Variants in RAD51B observed in about 807,000 individuals in gnomAD.
RAD51B encodes the protein RAD51 paralog B, also known as DNA repair protein RAD51 homolog 2.
RAD51B carries 38 observed loss-of-function variants against 42.2 expected under a neutral mutation model. The ratio of observed to expected loss-of-function variants is 0.90; its 90% CI spans 0.70 to 1.18. RAD51B has a LOEUF of 1.18. Ranked by LOEUF, RAD51B falls within the 50% of genes most tolerant of loss-of-function variation. The pLI is 0.00. For synonymous variants in RAD51B, 154 were observed against 145.2 expected (o/e 1.06, Z -0.43); for missense variants, 373 against 400.7 (o/e 0.93, Z 0.59).
chr14:68,274,997 G>C (rs1011449326), intron 7 of RAD51B, among the ~76,000 whole-genome samples: 1 of 152,198 alleles, frequency 6.6e-6, no homozygotes, highest in Non-Finnish European at 1.5e-5. Context: ...TGGTGATTAA[G>C]TTGATCAGTG....
intron 7 of RAD51B, among the ~76,000 whole-genome samples, chr14:67,990,147 G>A (rs1174149725): frequency 1.3e-5 from 2 of 151,836 alleles, no homozygotes; most frequent in Non-Finnish European, 2.9e-5. Context: ...ACAGGTGCAC[G>A]CCACCATGAC....
At position 67,835,156 on chromosome 14, in the gene RAD51B, A is replaced by G. The variant is rs2041191002; in HGVS notation, c.275A>G (p.Glu92Gly). The G allele has an allele frequency of 6.2e-7, 1 of 1,613,966 alleles. No homozygotes were observed. Among genetic ancestry groups the G allele is most frequent in the African/African-American group, 1.3e-5 (1 of 74,918 alleles). Residue 92 changes from glutamate to glycine, a missense_variant, in exon 4 of 11, where the codon GAA (glutamate) becomes GGA (glycine). Transcript: ENST00000471583. Reference protein sequence around the residue: ...FLSTTLSALDEALHGGVACGS... With the variant: ...FLSTTLSALDGALHGGVACGS... ...TCTACTACCCTTTCTGCTTTGGACG[A>G]AGCCCTGCATGGTGGTGTGGCTTGT...
At chr14:68,312,452 A>C (rs1166214881) in intron 8 of RAD51B, among the ~76,000 whole-genome samples, 7 of 152,256 alleles carry the variant, frequency 4.6e-5, no homozygotes, top group Non-Finnish European at 8.8e-5. Flanking sequence ...CAGTCTTCAC[A>C]GACCTGCAAA....
intron 7 of RAD51B, among the ~76,000 whole-genome samples, chr14:68,118,287 A>G (rs1193306524): frequency 6.6e-6 from 1 of 152,200 alleles, no homozygotes; most frequent in Admixed American, 6.5e-5. Context: ...TAATCAGTAG[A>G]CATCATTTAA....
At chr14:67,889,106 C>T (rs1312970702) in intron 7 of RAD51B, among the ~76,000 whole-genome samples, 2 of 151,934 alleles carry the variant, frequency 1.3e-5, no homozygotes, top group African/African-American at 4.8e-5. Flanking sequence ...ACTGAATATC[C>T]CATTTCTATG....
chr14:67,948,131 G>GTT (rs2045459112), intron 7 of RAD51B, among the ~76,000 whole-genome samples: 3 of 152,164 alleles, frequency 2.0e-5, no homozygotes, highest in Non-Finnish European at 4.4e-5. Context: ...TGTTCCTATT[G>GTT]CATACTAGAG....
intron 8 of RAD51B, among the ~76,000 whole-genome samples, chr14:68,382,521 A>G (rs1046982297): frequency 4.6e-5 from 7 of 152,230 alleles, no homozygotes; most frequent in Non-Finnish European, 1.0e-4. Context: ...ATTCATTCAA[A>G]TAACAGTTAT....
intron 8 of RAD51B, among the ~76,000 whole-genome samples, chr14:68,354,530 G>A (rs942432459): frequency 2.0e-5 from 3 of 151,540 alleles, no homozygotes; most frequent in South Asian, 2.1e-4. Context: ...TGTTTTAAAC[G>A]AGTAAAATGA....
chr14:68,326,798 C>T (rs1480714628), intron 8 of RAD51B, among the ~76,000 whole-genome samples: 4 of 152,124 alleles, frequency 2.6e-5, no homozygotes, highest in Admixed American at 6.5e-5. Flanking sequence ...TTTAGTATTC[C>T]GAGGCTAATT....
chr14:68,445,320 T>C (rs890191870), intron 9 of RAD51B, among the ~76,000 whole-genome samples: 1 of 152,192 alleles, frequency 6.6e-6, no homozygotes, highest in Non-Finnish European at 1.5e-5. Context: ...TACTTAAAAA[T>C]GATTCTGTAT....
At chr14:68,608,547 G>C (rs1467406078) in intron 10 of RAD51B, among the ~76,000 whole-genome samples, 2 of 152,190 alleles carry the variant, frequency 1.3e-5, no homozygotes, top group East Asian at 1.9e-4. Flanking sequence ...TGGAGGAGGA[G>C]AGCAGCTGCA....
intron 7 of RAD51B, among the ~76,000 whole-genome samples, chr14:68,171,755 G>A (rs1360837632): frequency 2.0e-5 from 3 of 151,814 alleles, no homozygotes; most frequent in Admixed American, 1.3e-4. Flanking sequence ...CGCCCAGGCT[G>A]GAGTGCAATG....
At chr14:68,449,343 T>C (rs2085499339) in intron 9 of RAD51B, among the ~76,000 whole-genome samples, 1 of 152,210 alleles carries the variant, frequency 6.6e-6, no homozygotes, top group Non-Finnish European at 1.5e-5. Context: ...CTAATTCTTC[T>C]ACCTAGGGAC....
intron 7 of RAD51B, among the ~76,000 whole-genome samples, chr14:67,915,740 G>T (rs1237461281): frequency 6.6e-6 from 1 of 152,180 alleles, no homozygotes; most frequent in Non-Finnish European, 1.5e-5. Context: ...GTTGGATTTT[G>T]TTTGTTAGTA....
chr14:68,117,260 C>T (rs577650046), intron 7 of RAD51B, among the ~76,000 whole-genome samples: 17 of 152,110 alleles, frequency 1.1e-4, no homozygotes, highest in African/African-American at 3.9e-4. Context: ...GACACAAAGG[C>T]CTTCCAACAC....
chr14:68,028,902 A>G (rs1035425873), intron 7 of RAD51B, among the ~76,000 whole-genome samples: 6 of 152,154 alleles, frequency 3.9e-5, no homozygotes, highest in Non-Finnish European at 7.4e-5. Context: ...TCTCCCACGC[A>G]CAGAGGTCCT....
At chr14:68,613,967 G>A (rs1216153750), downstream of RAD51B, among the ~76,000 whole-genome samples, 1 of 152,196 alleles carries the variant, frequency 6.6e-6, no homozygotes, top group Non-Finnish European at 1.5e-5. Flanking sequence ...AAAATCAAAA[G>A]AGTGGTGAAT....
intron 9 of RAD51B, among the ~76,000 whole-genome samples, chr14:68,451,029 G>A (rs920902106): frequency 1.3e-5 from 2 of 152,036 alleles, no homozygotes. Flanking sequence ...CTCCTGTGAT[G>A]GTCAGTATTC....
At chr14:68,062,071 C>T (rs1030770041) in intron 7 of RAD51B, among the ~76,000 whole-genome samples, 1 of 152,102 alleles carries the variant, frequency 6.6e-6, no homozygotes, top group African/African-American at 2.4e-5. Context: ...AGGTACATTC[C>T]TTCTATACTG....
Sources: gnomAD v4.1 joint callset for allele counts (sites outside exome capture counted in the v4.1 genomes callset) on GRCh38, gnomAD v4.1.1 for gene constraint, MANE v1.5 for transcripts, NCBI Gene and HGNC (gene_info 2026-07-23, HGNC 2026-07-21) for gene names.